Variants in MDN1 observed in about 807,000 individuals in gnomAD.
The protein encoded by MDN1 is midasin.
Under a neutral mutation model 669.2 loss-of-function variants are expected in MDN1, and 266 were observed. The observed-to-expected ratio is 0.40, with a 90% CI of 0.36 to 0.44. MDN1 has a LOEUF of 0.44. Ranked by LOEUF, MDN1 falls within the 20% of genes least tolerant of loss-of-function variation. The pLI, the probability that MDN1 is intolerant of heterozygous loss-of-function variation, is 1.00. For missense variants in MDN1, 5,940 were observed against 6,754.0 expected, an observed-to-expected ratio of 0.88 and a Z score of 4.22; for synonymous variants, 2,385 against 2,457.1, an observed-to-expected ratio of 0.97 and a Z score of 0.87.
At chr6:89,686,057 A>G in intron 69 of MDN1, 84 bp from the exon 70 acceptor site, 9 of 1,369,988 alleles carry the variant, frequency 6.6e-6, no homozygotes, top group Non-Finnish European at 9.0e-6. Flanking sequence ...TATTTGGGAT[A>G]CTACGGATGG....
intron 18 of MDN1, 22 bp downstream of exon 18, chr6:89,758,794 T>A: frequency 6.2e-7 from 1 of 1,613,668 alleles, no homozygotes. Flanking sequence ...CCAAGTCAAA[T>A]CCCAAGGGAT....
chr6:89,663,890 C>T (rs1210803165), intron 85 of MDN1, among the ~76,000 whole-genome samples: 2 of 150,532 alleles, frequency 1.3e-5, no homozygotes. Flanking sequence ...TGCAGTCAGC[C>T]GAGATTGCAC....
At chr6:89,689,796 T>C (rs1026006023) in intron 65 of MDN1, 74 bp downstream of exon 65, 1 of 1,501,980 alleles carries the variant, frequency 6.7e-7, no homozygotes, top group African/African-American at 1.4e-5. Flanking sequence ...AGTGTGATTG[T>C]TACAGAGTAG....
chr6:89,765,185 G>T (rs1817750535), intron 15 of MDN1, among the ~76,000 whole-genome samples: 2 of 152,166 alleles, frequency 1.3e-5, no homozygotes, highest in African/African-American at 2.4e-5. Context: ...GTGAACCCGG[G>T]AACAGAGGTT....
At chr6:89,680,357 T>C (rs1173606950) in intron 74 of MDN1, among the ~76,000 whole-genome samples, 1 of 152,236 alleles carries the variant, frequency 6.6e-6, no homozygotes, top group African/African-American at 2.4e-5. Flanking sequence ...TCATAAAAGA[T>C]GGCACAGTGC....
rs1424690915 is a variant in MDN1 at position 89,772,602 on chromosome 6, G to A, written c.2054C>T (p.Ser685Phe). The A allele has an allele frequency of 1.9e-6, 3 of 1,614,126 alleles. No individual in the cohort carries two copies. The highest frequency in any genetic ancestry group is 2.5e-6 in the Non-Finnish European group (3 of 1,180,020). The change falls in exon 14 of 102, where the codon TCT becomes TTT. Residue 685 changes from serine to phenylalanine, a missense_variant. Physicochemically the swap from Ser to Phe is radical, Grantham distance 155. Around this residue, in one of 5 missense-constraint regions of MDN1, gnomAD observed 1,203 missense variants for 1,268.9 expected, o/e 0.95. Coordinates refer to ENST00000369393, the MANE Select transcript of MDN1 (RefSeq NM_014611.3). ...LVGETGTGKT[S>F]TIQYLAHITG... The stretch of plus-strand genomic sequence containing the variant: ...AATGTGAGCCAAGTATTGGATGGTA[G>A]AGGTTTTGCCAGTCCCGGTCTCTCC...
In MDN1 at chr6:89,643,886, C is replaced by T. The variant is rs1403548975; in HGVS notation, c.*119G>A. The T allele has an allele frequency of 3.7e-5, 33 of 895,944 alleles. No individual in the cohort carries two copies. Among genetic ancestry groups the T allele is most frequent in the East Asian group, 1.7e-4 (6 of 34,980 alleles). 55.5% of individuals were successfully genotyped at this position (895,944 alleles called of 1,614,324 possible). A position where few individuals can be genotyped will look rare whatever the true frequency, so the allele number is the denominator to read the frequency against. On this transcript the variant is annotated 3_prime_UTR_variant, in exon 102 of 102. Transcript: ENST00000369393. ...GAGCATTCTGTAGGCTGTAAGATCA[C>T]GTTGTAAAATAAAAATATTACAATA...
At chr6:89,819,374 G>A in intron 1 of MDN1, 132 bp downstream of exon 1, 1 of 824,998 alleles carries the variant, frequency 1.2e-6, no homozygotes, top group East Asian at 2.5e-5. Context: ...CAGCCCACAG[G>A]AGGGGGCCAG....
At chr6:89,668,196 AT>A (rs1270839457) in intron 83 of MDN1, 45 bp from the exon 84 acceptor site, 2 of 1,606,092 alleles carry the variant, frequency 1.2e-6, no homozygotes, top group African/African-American at 2.7e-5. Flanking sequence ...CACAAAAGCA[AT>A]TTTAAAAGGA....
At chr6:89,757,028 CTCA>C (rs1337363787) in intron 19 of MDN1, among the ~76,000 whole-genome samples, 1 of 152,036 alleles carries the variant, frequency 6.6e-6, no homozygotes, top group Non-Finnish European at 1.5e-5. Context: ...AACAAGCCCC[CTCA>C]TCATCAAAGA....
At chr6:89,658,956 T>G (rs1421694198) in intron 88 of MDN1, 39 bp from the exon 89 acceptor site, 2 of 1,534,958 alleles carry the variant, frequency 1.3e-6, no homozygotes, top group Admixed American at 4.2e-5. Flanking sequence ...GCAGAATTTT[T>G]GAAACGTACA....
intron 46 of MDN1, among the ~76,000 whole-genome samples, chr6:89,714,169 T>A (rs985085520): frequency 7.9e-5 from 12 of 152,194 alleles, no homozygotes; most frequent in African/African-American, 2.9e-4. Context: ...TTAGAAAAAG[T>A]AACACCTGTC....
At chr6:89,808,321 A>T (rs1390575346) in intron 1 of MDN1, among the ~76,000 whole-genome samples, 2 of 152,078 alleles carry the variant, frequency 1.3e-5, no homozygotes, top group Admixed American at 6.6e-5. Context: ...GCAGGCAGTT[A>T]ATCAGCTTGT....
At chr6:89,753,106 G>A (rs2128319188) in intron 22 of MDN1, among the ~76,000 whole-genome samples, 1 of 151,858 alleles carries the variant, frequency 6.6e-6, no homozygotes, top group Non-Finnish European at 1.5e-5. Flanking sequence ...CTGGGCAACA[G>A]AGCAAGACTC....
At chr6:89,703,724 A>G (rs1813326091) in intron 53 of MDN1, among the ~76,000 whole-genome samples, 1 of 152,088 alleles carries the variant, frequency 6.6e-6, no homozygotes, top group African/African-American at 2.4e-5. Flanking sequence ...AAGAAAAACA[A>G]TTGAGAGGCC....
chr6:89,650,303 A>C, intron 96 of MDN1, 105 bp from the exon 97 acceptor site: 1 of 1,023,092 alleles, frequency 9.8e-7, no homozygotes, highest in African/African-American at 1.6e-5. Flanking sequence ...ATAGCAAGTA[A>C]CTAGGAACCT....
chr6:89,788,624 T>C (rs1408151055), intron 7 of MDN1, among the ~76,000 whole-genome samples: 1 of 152,194 alleles, frequency 6.6e-6, no homozygotes, highest in African/African-American at 2.4e-5. Flanking sequence ...CTTTGAACTT[T>C]TTCATAAGAG....
At chr6:89,668,179 A>G in intron 83 of MDN1, 28 bp from the exon 84 acceptor site, 1 of 1,611,252 alleles carries the variant, frequency 6.2e-7, no homozygotes, top group Non-Finnish European at 8.5e-7. Flanking sequence ...GGAAGTGAAC[A>G]ATTAGGCACA....
intron 25 of MDN1, 69 bp downstream of exon 25, chr6:89,749,474 A>G (rs573287506): frequency 2.6e-5 from 41 of 1,593,684 alleles, no homozygotes; most frequent in South Asian, 6.7e-5. Context: ...AAAACATTTC[A>G]TTCTTACTAC....
Sources: gnomAD v4.1 joint callset for allele counts (sites outside exome capture counted in the v4.1 genomes callset) on GRCh38, gnomAD v4.1.1 for gene constraint, gnomAD v4.1.1 regional missense constraint, MANE v1.5 for transcripts, NCBI Gene and HGNC (gene_info 2026-07-23, HGNC 2026-07-21) for gene names.